Variants in CHRM3 observed in about 807,000 individuals in gnomAD.
CHRM3 encodes cholinergic receptor muscarinic 3.
A neutral mutation model predicts 41.8 loss-of-function variants in CHRM3; 11 were observed. The ratio of observed to expected loss-of-function variants is 0.26; its 90% confidence interval spans 0.17 to 0.44. The LOEUF (loss-of-function observed/expected upper bound fraction) is 0.44. CHRM3 is among the 20% of genes least tolerant of loss of function. The pLI, the probability that CHRM3 is intolerant of heterozygous loss-of-function variation, is 1.00. For missense variants in CHRM3, 571 were observed against 745.4 expected (o/e 0.77, Z 2.72); for synonymous variants, 297 against 301.4 (o/e 0.99, Z 0.15).
intron 2 of CHRM3, among the ~76,000 whole-genome samples, chr1:239,493,712 C>A (rs967055077): frequency 2.0e-5 from 3 of 152,096 alleles, no homozygotes; most frequent in African/African-American, 7.2e-5. Context: ...GAATTCAGAC[C>A]CTAGGCATTA....
chr1:239,408,795 T>TC (rs1211800613), intron 1 of CHRM3, among the ~76,000 whole-genome samples: 3 of 151,394 alleles, frequency 2.0e-5, no homozygotes, highest in Admixed American at 1.3e-4. Flanking sequence ...CTAGATTTTT[T>TC]TTTTTTTTCA....
intron 1 of CHRM3, among the ~76,000 whole-genome samples, chr1:239,490,116 G>A (rs932977238): frequency 6.6e-6 from 1 of 152,288 alleles, no homozygotes. Context: ...TATTTAGTAC[G>A]AGTACATAGT....
At chr1:239,543,830 G>T (rs1404645395) in intron 2 of CHRM3, among the ~76,000 whole-genome samples, 1 of 152,014 alleles carries the variant, frequency 6.6e-6, no homozygotes, top group Non-Finnish European at 1.5e-5. Context: ...TTTATAAGGG[G>T]TCAGATAGGA....
At chr1:239,644,435 T>A (rs747057986) in intron 4 of CHRM3, among the ~76,000 whole-genome samples, 13 of 151,924 alleles carry the variant, frequency 8.6e-5, no homozygotes, top group Non-Finnish European at 1.6e-4. Flanking sequence ...CCAAACAACT[T>A]CTCCCCACGT....
chr1:239,758,637 A>C (rs577108842), intron 5 of CHRM3, among the ~76,000 whole-genome samples: 29 of 152,358 alleles, frequency 1.9e-4, no homozygotes, highest in Admixed American at 6.5e-5. Flanking sequence ...GTTTTAAAAA[A>C]ATTGGCTTGT....
intron 2 of CHRM3, among the ~76,000 whole-genome samples, chr1:239,497,261 T>C (rs1322835892): frequency 6.6e-6 from 1 of 152,200 alleles, no homozygotes; most frequent in African/African-American, 2.4e-5. Flanking sequence ...TAATATTCAT[T>C]CAAGCTTAAT....
At chr1:239,432,269 A>C (rs1323344931) in intron 1 of CHRM3, among the ~76,000 whole-genome samples, 1 of 152,180 alleles carries the variant, frequency 6.6e-6, no homozygotes, top group Non-Finnish European at 1.5e-5. Flanking sequence ...ATTTAAAAAT[A>C]ATTCCTAGAA....
At chr1:239,642,569 G>T (rs1671288155) in intron 4 of CHRM3, among the ~76,000 whole-genome samples, 1 of 152,070 alleles carries the variant, frequency 6.6e-6, no homozygotes, top group Admixed American at 6.6e-5. Flanking sequence ...GGCTCCTGAG[G>T]CTTCTGCATT....
intron 6 of CHRM3, among the ~76,000 whole-genome samples, chr1:239,893,144 A>T (rs2102955745): frequency 6.6e-6 from 1 of 152,352 alleles, no homozygotes; most frequent in Non-Finnish European, 1.5e-5. Flanking sequence ...GGTGAGGATT[A>T]AATGAATTAA....
chr1:239,837,282 T>C (rs1352864567), intron 6 of CHRM3, among the ~76,000 whole-genome samples: 1 of 152,168 alleles, frequency 6.6e-6, no homozygotes, highest in Non-Finnish European at 1.5e-5. Context: ...ACATCCTTAA[T>C]GATAGATCAA....
chr1:239,416,474 A>G (rs1399862435), intron 1 of CHRM3, among the ~76,000 whole-genome samples: 1 of 152,154 alleles, frequency 6.6e-6, no homozygotes, highest in Non-Finnish European at 1.5e-5. Flanking sequence ...ACAAGAATGA[A>G]ATATACTTTT....
intron 5 of CHRM3, among the ~76,000 whole-genome samples, chr1:239,680,120 A>G (rs1658421424): frequency 6.6e-6 from 1 of 151,792 alleles, no homozygotes; most frequent in African/African-American, 2.4e-5. Flanking sequence ...TCCTCATCTC[A>G]CCACTCTTCT....
intron 5 of CHRM3, among the ~76,000 whole-genome samples, chr1:239,710,719 C>T (rs1439072033): frequency 3.3e-5 from 5 of 151,906 alleles, no homozygotes; most frequent in African/African-American, 1.2e-4. Context: ...TCTTATATCT[C>T]AATTCTTGAC....
intron 2 of CHRM3, among the ~76,000 whole-genome samples, chr1:239,514,336 T>C (rs1404920767): frequency 6.6e-6 from 1 of 151,982 alleles, no homozygotes; most frequent in Non-Finnish European, 1.5e-5. Flanking sequence ...CTTGTGTAGA[T>C]CTCGTACATT....
At chr1:239,568,383 C>G (rs368769213) in intron 3 of CHRM3, among the ~76,000 whole-genome samples, 30 of 152,136 alleles carry the variant, frequency 2.0e-4, no homozygotes, top group African/African-American at 6.5e-4. Flanking sequence ...AAGGGGAGAC[C>G]CTTTTCGCTT....
chr1:239,655,312 A>G (rs938127517), intron 4 of CHRM3, among the ~76,000 whole-genome samples: 7 of 152,232 alleles, frequency 4.6e-5, no homozygotes, highest in African/African-American at 7.2e-5. Context: ...CAAAAGGCCA[A>G]GCAAAGTCAA....
At chr1:239,467,292 G>C (rs757078698) in intron 1 of CHRM3, among the ~76,000 whole-genome samples, 5 of 151,972 alleles carry the variant, frequency 3.3e-5, no homozygotes, top group Non-Finnish European at 5.9e-5. Context: ...AGGTCGCTTG[G>C]TGTAAATGCC....
At chr1:239,692,196 G>A (rs1462356250) in intron 5 of CHRM3, among the ~76,000 whole-genome samples, 1 of 152,108 alleles carries the variant, frequency 6.6e-6, no homozygotes, top group African/African-American at 2.4e-5. Context: ...TGAAGGACCT[G>A]GCCTTGTTCA....
At chr1:239,793,870 T>C (rs1669547221) in intron 5 of CHRM3, among the ~76,000 whole-genome samples, 1 of 130,586 alleles carries the variant, frequency 7.7e-6, no homozygotes, top group Non-Finnish European at 1.5e-5. Flanking sequence ...TGGAGTGCAA[T>C]GGTGCGATCT....
Sources: allele counts gnomAD v4.1 joint callset (sites outside exome capture counted in the v4.1 genomes callset), GRCh38; gene constraint gnomAD v4.1.1; transcripts MANE v1.5; gene names NCBI Gene and HGNC (gene_info 2026-07-23, HGNC 2026-07-21).